ZFHX3: variants seen among roughly 807,000 people sequenced by gnomAD.
The protein encoded by ZFHX3 is zinc finger homeobox 3, also known as zinc finger homeobox protein 3.
In ZFHX3, 42 loss-of-function variants were observed where a neutral mutation model predicts 279.1. The observed-to-expected ratio is 0.15, with a 90% CI of 0.12 to 0.19. The LOEUF is 0.19. ZFHX3 is among the 10% of genes least tolerant of loss of function. The probability of loss-of-function intolerance (pLI) is 1.00; values close to 1 mark genes in which losing one functional copy is unlikely to be tolerated. For missense variants in ZFHX3, 4,981 were observed against 4,754.0 expected, an observed-to-expected ratio of 1.05 and a Z score of -1.40; for synonymous variants, 2,293 against 1,957.8, an observed-to-expected ratio of 1.17 and a Z score of -4.52.
intron 1 of ZFHX3, among the ~76,000 whole-genome samples, chr16:73,693,837 C>T (rs529744153): frequency 1.3e-5 from 2 of 152,116 alleles, no homozygotes; most frequent in South Asian, 4.2e-4. Context: ...TGTGCGTTTC[C>T]ACATCTCATG....
intron 1 of ZFHX3, among the ~76,000 whole-genome samples, chr16:72,990,168 G>A (rs1963027437): frequency 6.6e-6 from 1 of 152,178 alleles, no homozygotes; most frequent in Admixed American, 6.5e-5. Flanking sequence ...GCAGGAGGGT[G>A]GGGAAGGGCA....
At chr16:73,375,542 A>G (rs1000841611) in intron 3 of ZFHX3, among the ~76,000 whole-genome samples, 2 of 152,338 alleles carry the variant, frequency 1.3e-5, no homozygotes, top group East Asian at 3.9e-4. Flanking sequence ...TCCATATAAT[A>G]TATAACATGA....
At chr16:73,112,241 T>A (rs189101663) in intron 7 of ZFHX3, among the ~76,000 whole-genome samples, 221 of 151,228 alleles carry the variant, frequency 1.5e-3, no homozygotes, top group Non-Finnish European at 2.1e-3. Context: ...GGTGGGATAA[T>A]GAGAGAAAGA....
chr16:72,792,328 T>A (rs188836556), intron 9 of ZFHX3, among the ~76,000 whole-genome samples: 1 of 152,202 alleles, frequency 6.6e-6, no homozygotes, highest in Non-Finnish European at 1.5e-5. Context: ...CAGAACCACA[T>A]TGCCCAATAC....
chr16:73,302,057 T>TA (rs201131334), intron 4 of ZFHX3, among the ~76,000 whole-genome samples: 3,176 of 148,598 alleles, frequency 0.021, 64 homozygotes, highest in South Asian at 0.076. Context: ...ACCAGGAAAA[T>TA]AAAAAAAAAA....
At chr16:73,209,798 T>C (rs2011944658) in intron 5 of ZFHX3, among the ~76,000 whole-genome samples, 1 of 152,142 alleles carries the variant, frequency 6.6e-6, no homozygotes, top group Non-Finnish European at 1.5e-5. Context: ...TGTGAGAGAA[T>C]GAAAGTGAAA....
Position 73,849,584 on chromosome 16 carries a change from C to A in ZFHX3, c.-1608+42067G>T, listed in dbSNP as rs566238006. On this transcript the variant is annotated intron_variant, in intron 1 of 17. Transcript: ENST00000641206. ...AATGAGGGTAATTCTCCCAAGTTACCAAAAGTTGTTGATCACGGTTATTCA... is the reference window on the plus strand; with the variant it reads ...AATGAGGGTAATTCTCCCAAGTTACAAAAAGTTGTTGATCACGGTTATTCA... Among the ~76,000 whole-genome samples, 38 of 152,230 alleles carry A rather than the reference C, an allele frequency of 2.5e-4. No homozygotes were observed. The South Asian group carries it at 6.6e-3, about 27-fold the overall frequency.
intron 4 of ZFHX3, among the ~76,000 whole-genome samples, chr16:73,302,319 C>T (rs1417485905): frequency 6.6e-6 from 1 of 151,946 alleles, no homozygotes; most frequent in Non-Finnish European, 1.5e-5. Context: ...TTTAAAAATC[C>T]ATTCAATTGG....
At chr16:73,682,878 GAAAGAAAGAAAGAAAGAAAGAAAGAA>G (rs2053028117) in intron 1 of ZFHX3, among the ~76,000 whole-genome samples, 6 of 29,406 alleles carry the variant, frequency 2.0e-4, no homozygotes, top group Admixed American at 4.8e-4. Context: ...AAGAAAGAAA[GAAAGAAAGAAAGAAAGAAAGAAAGAA>G]AGAGAAAGAA....
chr16:73,023,232 A>G (rs1431687877), intron 1 of ZFHX3, among the ~76,000 whole-genome samples: 1 of 152,168 alleles, frequency 6.6e-6, no homozygotes, highest in African/African-American at 2.4e-5. Flanking sequence ...TCTCAAGAAT[A>G]AATAAATAAA....
At chr16:73,177,557 G>T in intron 5 of ZFHX3, among the ~76,000 whole-genome samples, 1 of 152,220 alleles carries the variant, frequency 6.6e-6, no homozygotes, top group Non-Finnish European at 1.5e-5. Flanking sequence ...CAGATTCACA[G>T]ATGTGATCTT....
intron 4 of ZFHX3, among the ~76,000 whole-genome samples, chr16:73,261,073 G>A (rs1280512816): frequency 6.6e-6 from 1 of 152,112 alleles, no homozygotes; most frequent in African/African-American, 2.4e-5. Context: ...TTATGTGCAA[G>A]GTTATTAACT....
At position 73,168,936 on chromosome 16, in the gene ZFHX3, T is replaced by C. The variant is rs937454589; in HGVS notation, c.-1103-25105A>G. Among the ~76,000 whole-genome samples the C allele has an allele frequency of 2.0e-5, 3 of 152,236 alleles. No homozygotes were observed. In the East Asian group the frequency reaches 5.8e-4, roughly 29 times the overall value. On this transcript the variant is annotated intron_variant, in intron 5 of 17. Transcript: ENST00000641206. ...TTCCCTTGCTACTTCAAAATGCTTC[T>C]GAAAATGCATTTTCTCCCTTATCTG...
chr16:73,376,442 G>T (rs2016724850), intron 3 of ZFHX3, among the ~76,000 whole-genome samples: 1 of 152,090 alleles, frequency 6.6e-6, no homozygotes, highest in South Asian at 2.1e-4. Context: ...TGTCAGCAAG[G>T]CTTCTACCAC....
intron 3 of ZFHX3, among the ~76,000 whole-genome samples, chr16:73,422,064 C>G (rs1051922769): frequency 2.0e-5 from 3 of 152,190 alleles, no homozygotes; most frequent in Non-Finnish European, 4.4e-5. Context: ...AAACAGGCAG[C>G]ACAGGTTATC....
Position 72,796,467 on chromosome 16 carries a change from G to A in ZFHX3, c.6215C>T (p.Thr2072Ile). The change falls in exon 9 of 10, where the codon ACC becomes ATC. Residue 2072 changes from threonine (T) to isoleucine (I), a missense_variant. Thr to Ile is a moderately conservative substitution (Grantham distance 89, BLOSUM62 -1). Coordinates refer to ENST00000268489, the MANE Select transcript of ZFHX3 (RefSeq NM_006885.4). ...PAIPASAPPI[T>I]SPTIAPAQPS... ...CTGGGCCGGTGCAATTGTAGGTGAG[G>A]TGATGGGTGGGGCTGATGCGGGGAT... The A allele has an allele frequency of 1.9e-6, 3 of 1,607,550 alleles. No individual in the cohort carries two copies. Among genetic ancestry groups the A allele is most frequent in the Non-Finnish European group, 2.5e-6 (3 of 1,179,476 alleles).
intron 1 of ZFHX3, among the ~76,000 whole-genome samples, chr16:73,719,602 T>C (rs1597080841): frequency 6.6e-6 from 1 of 152,060 alleles, no homozygotes; most frequent in South Asian, 2.1e-4. Flanking sequence ...GGCAATACAG[T>C]GTTAAGGGTA....
In ZFHX3 at chr16:73,383,745, T is replaced by G. The variant is rs550496262; in HGVS notation, c.-1290-65409A>C. Among the ~76,000 whole-genome samples the G allele has an allele frequency of 8.3e-4, 126 of 152,234 alleles. 2 individuals are homozygous for G. Among genetic ancestry groups the G allele is most frequent in the Admixed American group, 8.2e-3 (126 of 15,302 alleles). On this transcript the variant is annotated intron_variant, in intron 3 of 17. Transcript: ENST00000641206. ...CCCTCACAGCTGCATCCGGCCAAAT[T>G]GAGGATGCTCTATTCTCCATGACTG...
intron 1 of ZFHX3, among the ~76,000 whole-genome samples, chr16:73,823,494 G>A (rs1298719461): frequency 6.6e-6 from 1 of 152,172 alleles, no homozygotes; most frequent in Admixed American, 6.5e-5. Flanking sequence ...CCCCAAGAAA[G>A]GCTGCAAGAA....
Sources: allele counts gnomAD v4.1 joint callset (sites outside exome capture counted in the v4.1 genomes callset), GRCh38; gene constraint gnomAD v4.1.1; transcripts MANE v1.5; gene names NCBI Gene and HGNC (gene_info 2026-07-23, HGNC 2026-07-21).